Variants in IL37 observed in about 807,000 individuals in gnomAD.
IL37 encodes interleukin 37, also known as interleukin-37.
IL37 carries 15 observed loss-of-function variants against 15.4 expected under a neutral mutation model. That is an observed-to-expected ratio of 0.98 (90% CI 0.65 to 1.50). The LOEUF (loss-of-function observed/expected upper bound fraction) is 1.50, where lower values mean the gene tolerates loss of function less well. Among genes scored for constraint, IL37 ranks in the 40% most tolerant of loss-of-function variants. The pLI, the probability that IL37 is intolerant of heterozygous loss-of-function variation, is 0.00. For synonymous variants in IL37, 98 were observed against 97.4 expected, an observed-to-expected ratio of 1.01 and a Z score of -0.03; for missense variants, 269 against 261.7, an observed-to-expected ratio of 1.03 and a Z score of -0.19.
At chr2:112,918,479 A>G in intron 5 of IL37, 82 bp from the exon 6 acceptor site, 1 of 1,467,950 alleles carries the variant, frequency 6.8e-7, no homozygotes, top group Non-Finnish European at 9.2e-7. Flanking sequence ...TCCTGTGTAA[A>G]GGCCTGGAGG....
chr2:112,918,413 C>T (rs1470517000), intron 5 of IL37, 148 bp from the exon 6 acceptor site: 2 of 838,844 alleles, frequency 2.4e-6, no homozygotes, highest in African/African-American at 3.4e-5. Flanking sequence ...ATACCAGTAC[C>T]AAGGCTGACA....
chr2:112,913,005 C>T lies in IL37; in HGVS notation c.-8C>T, dbSNP rs141650264. On this transcript the variant is annotated 5_prime_UTR_variant, in exon 2 of 6. The change creates a new upstream start codon in the 5' untranslated region. Coordinates refer to ENST00000263326, the MANE Select transcript of IL37 (RefSeq NM_014439.4). ...ATTTTCTGTTGAGTAATAAACTCAA[C>T]GTTGAAAATGTCCTTTGTGGGGGAG... 9.1e-5 allele frequency: 143 copies of T among 1,571,542 alleles called. No homozygotes were observed. Among genetic ancestry groups the T allele is most frequent in the Middle Eastern group, 1.7e-4 (1 of 5,984 alleles).
At position 112,917,179 on chromosome 2, in the gene IL37, G is replaced by T. The variant is rs765854780; in HGVS notation, c.196G>T (p.Asp66Tyr). ...GAAGAAATTCAGCATTCATGACCAGGATCACAAAGTACTGGTCCTGGACTC... is the reference window on the plus strand; with the variant it reads ...GAAGAAATTCAGCATTCATGACCAGTATCACAAAGTACTGGTCCTGGACTC... ...NPKKFSIHDQ[D>Y]HKVLVLDSGN... Residue 66 changes from aspartate to tyrosine, a missense_variant, in exon 4 of 6, where the codon GAT becomes TAT. By Grantham distance (160) the Asp-to-Tyr change is radical (BLOSUM62 -3). Coordinates refer to ENST00000263326, the MANE Select transcript of IL37 (RefSeq NM_014439.4). 57 of 1,613,768 alleles carry T rather than the reference G, an allele frequency of 3.5e-5. 1 individual carries two copies. The Middle Eastern group carries it at 9.9e-4, about 28-fold the overall frequency.
chr2:112,912,290 A>G (rs914231433), intron 1 of IL37, among the ~76,000 whole-genome samples: 5 of 152,170 alleles, frequency 3.3e-5, no homozygotes, highest in African/African-American at 1.2e-4. Context: ...CAGAATTTAT[A>G]TATATAAATA....
At chr2:112,912,000 C>A (rs1291986130) in intron 1 of IL37, among the ~76,000 whole-genome samples, 3 of 152,212 alleles carry the variant, frequency 2.0e-5, no homozygotes, top group Admixed American at 2.0e-4. Flanking sequence ...TGCTCCTGCT[C>A]ACCGTCCTTA....
intron 2 of IL37, among the ~76,000 whole-genome samples, chr2:112,913,551 A>ATGAT (rs1455871049): frequency 6.6e-6 from 1 of 152,188 alleles, no homozygotes; most frequent in East Asian, 1.9e-4. Context: ...TTTGACCCAA[A>ATGAT]TGATTGTCTA....
chr2:112,913,835 C>T lies in IL37; in HGVS notation c.126C>T (p.Thr42=). The change falls in exon 3 of 6, where the codon ACC becomes ACT. Residue 42 remains threonine (T), a synonymous_variant. Coordinates refer to ENST00000263326, the MANE Select transcript of IL37 (RefSeq NM_014439.4). ...SPLEPGPSLP[T]MNFVHTSPKV... ...TGGAACCAGGCCCAAGCCTCCCCAC[C>T]ATGAATTTTGTTCACACAAGTAAGG... The T allele has an allele frequency of 6.2e-7, 1 of 1,613,688 alleles. No homozygotes were observed. The highest frequency in any genetic ancestry group is 8.5e-7 in the Non-Finnish European group (1 of 1,179,628).
chr2:112,917,200 G>A lies in IL37; in HGVS notation c.217G>A (p.Asp73Asn), dbSNP rs752513674. ...HDQDHKVLVL[D>N]SGNLIAVPDK... ...CCAGGATCACAAAGTACTGGTCCTG[G>A]ACTCTGGGAATCTCATAGCAGTTCC... The change falls in exon 4 of 6, where the codon GAC (aspartate) becomes AAC (asparagine). Residue 73 changes from aspartate (D) to asparagine (N), a missense_variant. By Grantham distance (23) the Asp-to-Asn change is conservative (BLOSUM62 1). Transcript: ENST00000263326. 7.4e-6 allele frequency: 12 copies of A among 1,614,098 alleles called. No homozygotes were observed. The highest frequency in any genetic ancestry group is 1.0e-5 in the Non-Finnish European group (12 of 1,179,964).
At chr2:112,917,308 T>C in intron 4 of IL37, 60 bp downstream of exon 4, 1 of 1,586,554 alleles carries the variant, frequency 6.3e-7, no homozygotes, top group Non-Finnish European at 8.6e-7. Context: ...GGCCTCCTGC[T>C]AGGTGGGCTC....
At chr2:112,915,710 T>C (rs987852855) in intron 3 of IL37, among the ~76,000 whole-genome samples, 1 of 152,174 alleles carries the variant, frequency 6.6e-6, no homozygotes, top group Non-Finnish European at 1.5e-5. Flanking sequence ...CTGATAACCA[T>C]GGATCTCATC....
chr2:112,917,491 G>A, intron 4 of IL37, 144 bp from the exon 5 acceptor site: 1 of 921,264 alleles, frequency 1.1e-6, no homozygotes, highest in East Asian at 2.4e-5. Flanking sequence ...GGAAGAAGAG[G>A]AGGCTTAAAC....
chr2:112,913,600 C>A (rs551548690), intron 2 of IL37, among the ~76,000 whole-genome samples, 192 bp from the exon 3 acceptor site: 42 of 152,188 alleles, frequency 2.8e-4, no homozygotes, highest in Non-Finnish European at 4.9e-4. Flanking sequence ...ATGCCAGAGG[C>A]CAAACCCGTG....
At chr2:112,915,509 G>A (rs979747789) in intron 3 of IL37, among the ~76,000 whole-genome samples, 6 of 152,190 alleles carry the variant, frequency 3.9e-5, no homozygotes, top group African/African-American at 9.7e-5. Context: ...AAAGACAGAG[G>A]CTTGGCACCA....
intron 4 of IL37, 132 bp from the exon 5 acceptor site, chr2:112,917,503 A>G (rs2723186): frequency 0.97 from 930,670 of 963,232 alleles, 452,516 homozygotes; most frequent in Non-Finnish European, 1. Flanking sequence ...GGCTTAAACC[A>G]GTGTGATGGA....
chr2:112,918,187 C>G (rs757658307), intron 5 of IL37, among the ~76,000 whole-genome samples: 4 of 52,434 alleles, frequency 7.6e-5, no homozygotes, highest in Non-Finnish European at 2.2e-4. Context: ...CAAATTTAGT[C>G]CTGGATGGAG....
chr2:112,917,080 GTC>G, intron 3 of IL37, 47 bp from the exon 4 acceptor site: 1 of 1,604,768 alleles, frequency 6.2e-7, no homozygotes, highest in Non-Finnish European at 8.5e-7. Flanking sequence ...AAAGGGCTGA[GTC>G]TTCCATTTTC....
intron 2 of IL37, 55 bp from the exon 3 acceptor site, chr2:112,913,737 T>C: frequency 2.0e-6 from 3 of 1,468,568 alleles, no homozygotes; most frequent in Non-Finnish European, 2.9e-6. Flanking sequence ...TTGATACCCC[T>C]AAATCCTTGG....
intron 5 of IL37, among the ~76,000 whole-genome samples, chr2:112,918,352 G>A (rs1025402620): frequency 1.3e-5 from 2 of 151,644 alleles, no homozygotes; most frequent in Non-Finnish European, 2.9e-5. Flanking sequence ...TTTTTAATCT[G>A]GGGGACAAGA....
In IL37 at chr2:112,915,123, C is replaced by A. The variant is rs1573312884; in HGVS notation, c.145+1269C>A. The A allele has an allele frequency of 6.9e-6, 10 of 1,453,410 alleles. No individual in the cohort carries two copies. In the East Asian group the frequency reaches 2.1e-4, roughly 30 times the overall value. 90.0% of individuals were successfully genotyped at this position (1,453,410 alleles called of 1,614,324 possible). On this transcript the variant is annotated intron_variant, in intron 3 of 5. Transcript: ENST00000263326. Reference sequence around the variant, plus strand: ...AGTGGCCTTGAGAAAGATTTGGGGTCAAGGATCATGAGCGAGAACACCACT... The same window carrying A: ...AGTGGCCTTGAGAAAGATTTGGGGTAAAGGATCATGAGCGAGAACACCACT...
Sources: allele counts gnomAD v4.1 joint callset (sites outside exome capture counted in the v4.1 genomes callset), GRCh38; gene constraint gnomAD v4.1.1; transcripts MANE v1.5; gene names NCBI Gene and HGNC (gene_info 2026-07-23, HGNC 2026-07-21).